ARFGEF1: variants seen among roughly 807,000 people sequenced by gnomAD.
ARFGEF1 encodes the protein ARF guanine nucleotide exchange factor 1.
A neutral mutation model predicts 231.0 loss-of-function variants in ARFGEF1; 42 were observed. The ratio of observed to expected loss-of-function variants is 0.18; its 90% CI spans 0.14 to 0.24. The LOEUF (loss-of-function observed/expected upper bound fraction) is 0.24. Ranked by LOEUF, ARFGEF1 falls within the 10% of genes least tolerant of loss-of-function variation. ARFGEF1 has a pLI of 1.00. For missense variants in ARFGEF1, 1,345 were observed against 2,192.0 expected (o/e 0.61, Z 7.72); for synonymous variants, 710 against 732.3 (o/e 0.97, Z 0.49).
At chr8:67,195,195 C>T (rs2290586), downstream of ARFGEF1, among the ~76,000 whole-genome samples, 248 of 152,146 alleles carry the variant, frequency 1.6e-3, 4 homozygotes, top group Non-Finnish European at 2.0e-3. Context: ...TTTGTGGGCC[C>T]ACTCTCCTCC....
intron 8 of ARFGEF1, among the ~76,000 whole-genome samples, chr8:67,276,949 G>C (rs960584443): frequency 1.3e-5 from 2 of 152,192 alleles, no homozygotes; most frequent in Non-Finnish European, 1.5e-5. Flanking sequence ...TTTCAGATTA[G>C]AAATATTCAG....
intron 1 of ARFGEF1, among the ~76,000 whole-genome samples, chr8:67,322,653 T>C (rs564638729): frequency 1.3e-5 from 2 of 152,302 alleles, no homozygotes; most frequent in African/African-American, 4.8e-5. Context: ...TGCTGTAAGT[T>C]ATGACTGCAC....
chr8:67,308,669 G>A (rs1178756134), intron 1 of ARFGEF1, among the ~76,000 whole-genome samples: 1 of 152,022 alleles, frequency 6.6e-6, no homozygotes. Flanking sequence ...ATAGAAACAA[G>A]GACCTATTTT....
At chr8:67,293,815 G>T (rs904338336) in intron 5 of ARFGEF1, among the ~76,000 whole-genome samples, 2 of 152,130 alleles carry the variant, frequency 1.3e-5, no homozygotes, top group African/African-American at 2.4e-5. Flanking sequence ...CATTCAAGGG[G>T]TGGAAAGAAG....
intron 5 of ARFGEF1, among the ~76,000 whole-genome samples, chr8:67,185,444 A>G (rs900013087): frequency 5.3e-5 from 8 of 152,242 alleles, no homozygotes; most frequent in African/African-American, 1.9e-4. Flanking sequence ...AGCAGAGGCA[A>G]TGAATTACAA....
intron 9 of ARFGEF1, among the ~76,000 whole-genome samples, chr8:67,273,062 G>A (rs1055006681): frequency 1.8e-4 from 28 of 152,052 alleles, no homozygotes; most frequent in African/African-American, 6.5e-4. Flanking sequence ...AGCTGAGATT[G>A]CACCACTGCA....
intron 1 of ARFGEF1, among the ~76,000 whole-genome samples, chr8:67,313,866 G>C (rs1017092772): frequency 2.0e-5 from 3 of 152,120 alleles, no homozygotes; most frequent in Non-Finnish European, 2.9e-5. Flanking sequence ...TATCAGGGTG[G>C]GTAGGGAAGG....
intron 17 of ARFGEF1, among the ~76,000 whole-genome samples, chr8:67,253,964 A>G (rs1455597034): frequency 6.6e-6 from 1 of 152,250 alleles, no homozygotes; most frequent in Non-Finnish European, 1.5e-5. Flanking sequence ...GGAAATAAAG[A>G]TATCAAAAAC....
rs538623367 is a variant in ARFGEF1, at chr8:67,198,881, G to A, written c.*53C>T. ...TCAGGTAGGAAACCTCAGCTCCAGCGTCCTTTTAAAGAGCAGAGGGATGTA... is the reference window on the plus strand; with the variant it reads ...TCAGGTAGGAAACCTCAGCTCCAGCATCCTTTTAAAGAGCAGAGGGATGTA... On this transcript the variant is annotated 3_prime_UTR_variant, in exon 39 of 39. Coordinates refer to ENST00000262215, the MANE Select transcript of ARFGEF1 (RefSeq NM_006421.5). 320 of 1,588,048 alleles carry A rather than the reference G, an allele frequency of 2.0e-4. 3 individuals carry two copies. In the Admixed American group the frequency reaches 4.9e-3, roughly 24 times the overall value.
At position 67,198,975 on chromosome 8, in the gene ARFGEF1, A is replaced by G. The variant is rs754044082; in HGVS notation, c.5509T>C (p.Ser1837Pro). The part of the protein sequence containing the change: ...FLRIGVVFQI[S>P]QPPEQELGIN... ...CCAAGTTCCTGTTCAGGTGGTTGTGATATCTGAAAAACTACTCCGATTCGC... is the reference window on the plus strand; with the variant it reads ...CCAAGTTCCTGTTCAGGTGGTTGTGGTATCTGAAAAACTACTCCGATTCGC... Residue 1837 changes from serine to proline, a missense_variant, in exon 39 of 39, where the codon TCA becomes CCA. Physicochemically the swap from Ser to Pro is moderately conservative, Grantham distance 74 (BLOSUM62 -1). Coordinates refer to ENST00000262215, the MANE Select transcript of ARFGEF1 (RefSeq NM_006421.5). 7.4e-6 allele frequency: 12 copies of G among 1,613,166 alleles called. No individual in the cohort carries two copies. The highest frequency in any genetic ancestry group is 1.1e-5 in the South Asian group (1 of 90,838).
At chr8:67,304,020 T>C (rs1020629960) in intron 1 of ARFGEF1, among the ~76,000 whole-genome samples, 3 of 152,186 alleles carry the variant, frequency 2.0e-5, no homozygotes, top group South Asian at 2.1e-4. Context: ...GTTTCAATAT[T>C]AGGTAATCTA....
At chr8:67,211,442 C>T (rs564699844) in intron 34 of ARFGEF1, 41 bp downstream of exon 34, 1 of 1,447,500 alleles carries the variant, frequency 6.9e-7, no homozygotes, top group African/African-American at 1.5e-5. Context: ...CCCTTTCCTA[C>T]ATAAAACACA....
At chr8:67,336,738 T>C (rs1156910139) in intron 1 of ARFGEF1, among the ~76,000 whole-genome samples, 1 of 152,176 alleles carries the variant, frequency 6.6e-6, no homozygotes, top group Admixed American at 6.5e-5. Flanking sequence ...CAACTTCACC[T>C]TGAGATCTTT....
At chr8:67,212,778 T>C (rs1324453711) in intron 33 of ARFGEF1, among the ~76,000 whole-genome samples, 1 of 152,188 alleles carries the variant, frequency 6.6e-6, no homozygotes, top group Non-Finnish European at 1.5e-5. Flanking sequence ...AAGGAAGAAA[T>C]TACTCAGTTC....
chr8:67,263,802 T>C (rs759011700), intron 14 of ARFGEF1, among the ~76,000 whole-genome samples: 17 of 152,080 alleles, frequency 1.1e-4, no homozygotes, highest in South Asian at 4.1e-4. Context: ...CTGTGACAAA[T>C]AGATGTATTC....
intron 33 of ARFGEF1, among the ~76,000 whole-genome samples, chr8:67,213,463 GC>G (rs1838820263): frequency 1.3e-5 from 2 of 152,314 alleles, no homozygotes; most frequent in South Asian, 4.1e-4. Flanking sequence ...AGGGAGGACA[GC>G]TGGGGTTGGT....
Position 67,314,148 on chromosome 8 carries a change from G to A in ARFGEF1, c.125-11682C>T, listed in dbSNP as rs897469553. The stretch of plus-strand genomic sequence containing the variant: ...GCAACAGCCCCAAGTCTGTTTCCAG[G>A]TGAAGCGCAAAAGGAGCTTGAAAAC... On this transcript the variant is annotated intron_variant, in intron 1 of 38. Coordinates refer to ENST00000262215, the MANE Select transcript of ARFGEF1 (RefSeq NM_006421.5). Among the ~76,000 whole-genome samples the A allele has an allele frequency of 8.9e-4, 136 of 152,306 alleles. 2 individuals carry two copies. Among genetic ancestry groups the A allele is most frequent in the East Asian group, 5.8e-4 (3 of 5,188 alleles).
At chr8:67,192,078 GTT>G (rs71249424) in intron 5 of ARFGEF1, among the ~76,000 whole-genome samples, 4 of 127,710 alleles carry the variant, frequency 3.1e-5, no homozygotes, top group Admixed American at 2.3e-4. Flanking sequence ...TTTTTTTTTT[GTT>G]TTTTTTTTTT....
rs186635929 is a variant in ARFGEF1, at chr8:67,289,510, T to C, written c.917-1445A>G. On this transcript the variant is annotated intron_variant, in intron 6 of 38. Coordinates refer to ENST00000262215, the MANE Select transcript of ARFGEF1 (RefSeq NM_006421.5). The stretch of plus-strand genomic sequence containing the variant: ...CAGGCAATGACCCATGATTGTGTAA[T>C]TGCACTCTAGTCAGGGTGACAGAGC... Among the ~76,000 whole-genome samples, 218 of 136,078 alleles carry C rather than the reference T, an allele frequency of 1.6e-3. 2 individuals carry two copies. Among genetic ancestry groups the C allele is most frequent in the African/African-American group, 6.0e-3 (208 of 34,542 alleles). The allele number at this position is 136,078 out of a possible 152,430, so 89.3% of individuals were successfully genotyped here.
Sources: allele counts gnomAD v4.1 joint callset (sites outside exome capture counted in the v4.1 genomes callset), GRCh38; gene constraint gnomAD v4.1.1; transcripts MANE v1.5; gene names NCBI Gene and HGNC (gene_info 2026-07-23, HGNC 2026-07-21).